PRRX2: variants seen among roughly 807,000 people sequenced by gnomAD.
The protein encoded by PRRX2 is paired related homeobox 2.
PRRX2 carries 11 observed loss-of-function variants against 18.0 expected under a neutral mutation model. That is an observed-to-expected ratio of 0.61 (90% CI 0.39 to 1.01). PRRX2 has a LOEUF of 1.01. Among genes scored for constraint, PRRX2 ranks in the 50% least tolerant of loss-of-function variants. The probability of loss-of-function intolerance (pLI) is 0.01; values close to 1 mark genes in which losing one functional copy is unlikely to be tolerated. For missense variants in PRRX2, 387 were observed against 351.0 expected (o/e 1.10, Z -0.82); for synonymous variants, 177 against 154.8 (o/e 1.14, Z -1.06).
At position 129,720,497 on chromosome 9, in the gene PRRX2, C is replaced by A. The variant is rs1026290253; in HGVS notation, c.448-99C>A. ...ACTGAGGGTCAGAGAGGTGACGCTGCCAGCCCTGGGCTGGTGACAGAGCAG... is the reference window on the plus strand; with the variant it reads ...ACTGAGGGTCAGAGAGGTGACGCTGACAGCCCTGGGCTGGTGACAGAGCAG... On this transcript the variant is annotated intron_variant, in intron 2 of 3. Transcript: ENST00000372469. 5.7e-6 allele frequency: 7 copies of A among 1,221,270 alleles called. No individual in the cohort carries two copies. In the African/African-American group the frequency reaches 1.1e-4, roughly 19 times the overall value. 75.7% of individuals were successfully genotyped at this position (1,221,270 alleles called of 1,614,324 possible). A position where few individuals can be genotyped will look rare whatever the true frequency, so the allele number is the denominator to read the frequency against.
chr9:129,709,720 G>A lies in PRRX2; in HGVS notation c.260-9511G>A, dbSNP rs1053781296. The stretch of plus-strand genomic sequence containing the variant: ...CGGGTTTTTGTTCAAAATTAATGAG[G>A]TGAAACATTCTTAAAAGTGTGGCAG... On this transcript the variant is annotated intron_variant, in intron 1 of 3. Transcript: ENST00000372469. This position sits in a 1 kb window ranked among gnomAD's most constrained non-coding sequence, Gnocchi z 4.2. Among the ~76,000 whole-genome samples the A allele has an allele frequency of 6.6e-6, 1 of 152,136 alleles. No individual in the cohort carries two copies. Among genetic ancestry groups the A allele is most frequent in the African/African-American group, 2.4e-5 (1 of 41,434 alleles).
chr9:129,715,841 G>T lies in PRRX2; in HGVS notation c.260-3390G>T, dbSNP rs535192845. On this transcript the variant is annotated intron_variant, in intron 1 of 3. Transcript: ENST00000372469. The surrounding 1 kb of genome is among the most constrained non-coding windows in gnomAD (Gnocchi z 4.0). ...ATTTAACCTTACATCAAATCAGTTG[G>T]TTGCTCAAGAGTCAGTAAACCCTCC... Among the ~76,000 whole-genome samples the T allele has an allele frequency of 6.6e-6, 1 of 151,150 alleles. No homozygotes were observed. The highest frequency in any genetic ancestry group is 1.5e-5 in the Non-Finnish European group (1 of 67,934).
In PRRX2 at chr9:129,667,207, C is replaced by T. The variant is rs924985182; in HGVS notation, c.259+1081C>T. On this transcript the variant is annotated intron_variant, in intron 1 of 3. Transcript: ENST00000372469. ...GAAGCCACTGGCTCCCTCATGGCAG[C>T]GGCCACCACTCACTGGCCACAGTGG... 7.9e-5 allele frequency among the ~76,000 whole-genome samples: 12 copies of T among 152,220 alleles called. No homozygotes were observed. In the South Asian group the frequency reaches 1.4e-3, roughly 18 times the overall value.
intron 1 of PRRX2, among the ~76,000 whole-genome samples, chr9:129,694,252 TCCTGGATTCAAGCCATTCTCCTGCCTC>T (rs1832394499): frequency 1.3e-5 from 2 of 152,252 alleles, no homozygotes; most frequent in Middle Eastern, 3.4e-3. Flanking sequence ...AACCTCTGCC[TCCTGGATTCAAGCCATTCTCCTGCCTC>T]CCTGGATTCA....
intron 1 of PRRX2, among the ~76,000 whole-genome samples, chr9:129,707,212 C>T (rs1832567762): frequency 1.3e-5 from 2 of 151,654 alleles, no homozygotes; most frequent in South Asian, 4.2e-4. Flanking sequence ...GCTGAGATGG[C>T]GCCACTGCAC....
intron 1 of PRRX2, among the ~76,000 whole-genome samples, chr9:129,686,147 C>A (rs1832296996): frequency 6.6e-6 from 1 of 152,106 alleles, no homozygotes; most frequent in East Asian, 1.9e-4. Context: ...TCGTAGGGGG[C>A]AGGGGCACCC....
In PRRX2 at chr9:129,699,437, A is replaced by G. The variant is rs569006992; in HGVS notation, c.260-19794A>G. ...AGACTCTGTCTCAAAAAAAATATAT[A>G]TATGTGTGTGTGTGTGTGTGTGTGT... On this transcript the variant is annotated intron_variant, in intron 1 of 3. Transcript: ENST00000372469. Among the ~76,000 whole-genome samples, 639 of 140,428 alleles carry G rather than the reference A, an allele frequency of 4.6e-3. 3 individuals carry two copies. The highest frequency in any genetic ancestry group is 0.017 in the African/African-American group (587 of 34,676). 92.1% of individuals were successfully genotyped at this position (140,428 alleles called of 152,430 possible). A position where few individuals can be genotyped will look rare whatever the true frequency, so the allele number is the denominator to read the frequency against.
chr9:129,689,731 G>A (rs971714184), intron 1 of PRRX2, among the ~76,000 whole-genome samples: 8 of 151,512 alleles, frequency 5.3e-5, no homozygotes, highest in Non-Finnish European at 1.0e-4. Flanking sequence ...GGGTGGGGGC[G>A]GGGGCTTGGC....
At chr9:129,721,246 C>G (rs933816963) in intron 3 of PRRX2, among the ~76,000 whole-genome samples, 3 of 152,190 alleles carry the variant, frequency 2.0e-5, no homozygotes, top group Non-Finnish European at 4.4e-5. Context: ...AGACGAGAAA[C>G]TGACGCTGGG....
At chr9:129,699,957 G>C (rs1257728778) in intron 1 of PRRX2, among the ~76,000 whole-genome samples, 1 of 152,210 alleles carries the variant, frequency 6.6e-6, no homozygotes, top group East Asian at 1.9e-4. Context: ...CCACCAGACA[G>C]TTACAAACCG....
At chr9:129,701,203 A>C (rs536631475) in intron 1 of PRRX2, among the ~76,000 whole-genome samples, 1 of 152,362 alleles carries the variant, frequency 6.6e-6, no homozygotes, top group African/African-American at 2.4e-5. Context: ...GAAGATAGGA[A>C]ACAGAGCAGA....
intron 1 of PRRX2, among the ~76,000 whole-genome samples, chr9:129,688,093 C>T (rs1025487779): frequency 4.6e-5 from 7 of 152,130 alleles, no homozygotes; most frequent in African/African-American, 1.4e-4. Flanking sequence ...ATGGGGGTCT[C>T]ACTCTGTCAC....
intron 1 of PRRX2, among the ~76,000 whole-genome samples, chr9:129,672,214 C>T (rs1026929548): frequency 6.6e-6 from 1 of 152,132 alleles, no homozygotes; most frequent in Admixed American, 6.5e-5. Context: ...GGGCCAGAGG[C>T]TGCGCCAGTG....
chr9:129,689,742 ATCTTATT>A (rs1024631025), intron 1 of PRRX2, among the ~76,000 whole-genome samples: 1 of 150,678 alleles, frequency 6.6e-6, no homozygotes, highest in African/African-American at 2.5e-5. Flanking sequence ...GGGGCTTGGC[ATCTTATT>A]TTGCTTATTT....
At chr9:129,687,902 AG>A (rs1393560420) in intron 1 of PRRX2, among the ~76,000 whole-genome samples, 1 of 152,196 alleles carries the variant, frequency 6.6e-6, no homozygotes, top group African/African-American at 2.4e-5. Flanking sequence ...TGGATGAGAA[AG>A]GGCTTTCTGG....
intron 1 of PRRX2, among the ~76,000 whole-genome samples, chr9:129,667,186 C>T (rs1832037010): frequency 6.6e-6 from 1 of 152,268 alleles, no homozygotes; most frequent in Non-Finnish European, 1.5e-5. Flanking sequence ...TGAGATGAAG[C>T]CACTGGCTCC....
At chr9:129,676,949 C>T (rs1832168339) in intron 1 of PRRX2, among the ~76,000 whole-genome samples, 1 of 152,236 alleles carries the variant, frequency 6.6e-6, no homozygotes, top group Admixed American at 6.5e-5. Flanking sequence ...CATGGTGAAG[C>T]CACAGAAGAG....
chr9:129,666,580 C>CCCA (rs1179625863), intron 1 of PRRX2, among the ~76,000 whole-genome samples: 1 of 144,576 alleles, frequency 6.9e-6, no homozygotes, highest in African/African-American at 2.6e-5. Context: ...CACCCCCCCC[C>CCCA]ACCCTCCAGT....
intron 1 of PRRX2, among the ~76,000 whole-genome samples, chr9:129,679,886 G>A (rs912721759): frequency 1.3e-5 from 2 of 152,168 alleles, no homozygotes; most frequent in Non-Finnish European, 2.9e-5. Flanking sequence ...GATAGGACAC[G>A]CTGGGGAGTG....
Sources: allele counts gnomAD v4.1 joint callset (sites outside exome capture counted in the v4.1 genomes callset), GRCh38; gene constraint gnomAD v4.1.1; non-coding constraint Gnocchi (gnomAD v3.1); transcripts MANE v1.5; gene names NCBI Gene and HGNC (gene_info 2026-07-23, HGNC 2026-07-21).